HCN4: variants seen among roughly 807,000 people sequenced by gnomAD.
HCN4 encodes the protein potassium/sodium hyperpolarization-activated cyclic nucleotide-gated channel 4.
A neutral mutation model predicts 76.9 loss-of-function variants in HCN4; 29 were observed. The observed-to-expected ratio is 0.38, with a 90% confidence interval of 0.28 to 0.51. The LOEUF (loss-of-function observed/expected upper bound fraction) is 0.51, where lower values mean the gene tolerates loss of function less well. Among genes scored for constraint, HCN4 ranks in the 20% least tolerant of loss-of-function variants. The pLI is 0.90. For missense variants in HCN4, 1,416 were observed against 1,715.2 expected (o/e 0.83, Z 3.08); for synonymous variants, 772 against 762.5 (o/e 1.01, Z -0.21).
intron 6 of HCN4, 53 bp downstream of exon 6, chr15:73,324,902 A>G (rs1413763389): frequency 9.3e-6 from 15 of 1,610,002 alleles, no homozygotes; most frequent in Admixed American, 5.0e-5. Flanking sequence ...TATCTCCCCA[A>G]ACCAGCCCCT....
chr15:73,337,535 G>A (rs1286712566), intron 2 of HCN4, among the ~76,000 whole-genome samples: 2 of 152,216 alleles, frequency 1.3e-5, no homozygotes, highest in Admixed American at 6.5e-5. Flanking sequence ...ATGTTTTCCT[G>A]CAATGACCTC....
In HCN4 at chr15:73,343,550, G is replaced by A; in HGVS notation, c.1044C>T (p.Ser348=). The A allele has an allele frequency of 6.2e-7, 1 of 1,614,202 alleles. No individual in the cohort carries two copies. The highest frequency in any genetic ancestry group is 8.5e-7 in the Non-Finnish European group (1 of 1,180,042). Residue 348 remains serine, a synonymous_variant, in exon 2 of 8, where the codon TCC becomes TCT. Transcript: ENST00000261917. This position sits in a 1 kb window ranked among gnomAD's most constrained non-coding sequence, Gnocchi z 5.7. ...GGAAGATGTAGTCCACGGGGATGGA[G>A]GAAATGAAATCTACCATGAACCAGC... ...LKSWFMVDFI[S]SIPVDYIFLI...
chr15:73,351,221 C>T (rs965817469), intron 1 of HCN4, among the ~76,000 whole-genome samples: 4 of 152,242 alleles, frequency 2.6e-5, no homozygotes, highest in African/African-American at 4.8e-5. Context: ...TCCTTTCCCT[C>T]GGCATGACCT....
At position 73,329,546 on chromosome 15, in the gene HCN4, G is replaced by A. The variant is rs748346294; in HGVS notation, c.1590+27C>T. On this transcript the variant is annotated intron_variant, in intron 4 of 7. Coordinates refer to ENST00000261917, the MANE Select transcript of HCN4 (RefSeq NM_005477.3). Reference sequence around the variant, plus strand: ...GTGCTCCCTCTTGGGAGGGACCAATGTGCGGGTGCTCCCTGGGTAGACCTA... The same window carrying A: ...GTGCTCCCTCTTGGGAGGGACCAATATGCGGGTGCTCCCTGGGTAGACCTA... 4 of 1,607,822 alleles carry A rather than the reference G, an allele frequency of 2.5e-6. No individual in the cohort carries two copies. The African/African-American group carries it at 4.0e-5, about 16-fold the overall frequency.
rs1404251013 is a variant in HCN4 at position 73,323,623 on chromosome 15, T to C, written c.2470A>G (p.Arg824Gly). ...AGGGACTGCAGCCGTTTCAGGTGCC[T>C]TGGCGTCTGCCCGGCACCGAGGTTG... Reference protein sequence around the residue: ...LGNLGAGQTPRHLKRLQSLIP... With the variant: ...LGNLGAGQTPGHLKRLQSLIP... The change falls in exon 8 of 8, where the codon AGG becomes GGG. Residue 824 changes from arginine to glycine, a missense_variant. By Grantham distance (125) the Arg-to-Gly change is moderately radical. Transcript: ENST00000261917. The C allele has an allele frequency of 2.5e-6, 4 of 1,600,154 alleles. No homozygotes were observed. The highest frequency in any genetic ancestry group is 3.4e-6 in the Non-Finnish European group (4 of 1,177,268).
intron 1 of HCN4, among the ~76,000 whole-genome samples, chr15:73,346,236 G>C (rs1468545282): frequency 6.6e-6 from 1 of 152,052 alleles, no homozygotes. Flanking sequence ...CTGAAGTCAG[G>C]GTTCGATTCC....
chr15:73,362,361 C>T (rs1233067355), intron 1 of HCN4, among the ~76,000 whole-genome samples: 1 of 152,222 alleles, frequency 6.6e-6, no homozygotes, highest in Non-Finnish European at 1.5e-5. Flanking sequence ...AGCGCATGAA[C>T]AGTAACCTCA....
intron 2 of HCN4, chr15:73,342,456 G>C (rs2043010675): frequency 6.6e-6 from 1 of 152,300 alleles, no homozygotes; most frequent in Non-Finnish European, 1.5e-5. Context: ...TTGGCTGTGA[G>C]TGCTGAGGGC....
chr15:73,324,054 C>G lies in HCN4; in HGVS notation c.2143+35G>C, dbSNP rs771108282. 5 of 1,609,028 alleles carry G rather than the reference C, an allele frequency of 3.1e-6. No homozygotes were observed. The African/African-American group carries it at 6.7e-5, about 22-fold the overall frequency. On this transcript the variant is annotated intron_variant, in intron 7 of 7. Coordinates refer to ENST00000261917, the MANE Select transcript of HCN4 (RefSeq NM_005477.3). ...AGCCCTGCCCTCCTCCCCCAACACC[C>G]CCCACCTGCCCCGCCTGTGGCCCCT...
chr15:73,366,818 G>A (rs1424604442), intron 1 of HCN4, among the ~76,000 whole-genome samples: 1 of 152,204 alleles, frequency 6.6e-6, no homozygotes, highest in Non-Finnish European at 1.5e-5. Context: ...CAGAACACCA[G>A]GCATCTTCAC....
chr15:73,351,491 G>C (rs889002059), intron 1 of HCN4, among the ~76,000 whole-genome samples: 7 of 152,086 alleles, frequency 4.6e-5, no homozygotes, highest in Non-Finnish European at 1.0e-4. Context: ...GTACCACCAG[G>C]CATCCAAAAG....
rs191089642 is a variant in HCN4 at position 73,349,848 on chromosome 15, C to T, written c.786-6040G>A. Among the ~76,000 whole-genome samples the T allele has an allele frequency of 3.3e-5, 5 of 152,318 alleles. No individual in the cohort carries two copies. In the East Asian group the frequency reaches 9.6e-4, roughly 29 times the overall value. On this transcript the variant is annotated intron_variant, in intron 1 of 7. Coordinates refer to ENST00000261917, the MANE Select transcript of HCN4 (RefSeq NM_005477.3). ...ATCCTTCCAGCACCCATCTGCCATC[C>T]TCAAGGACTTTGGCAATGCTGGCAC...
At chr15:73,330,218 G>A (rs529472783) in intron 3 of HCN4, among the ~76,000 whole-genome samples, 1 of 152,248 alleles carries the variant, frequency 6.6e-6, no homozygotes, top group Non-Finnish European at 1.5e-5. Flanking sequence ...AACCAGATAT[G>A]CTTCCCTTGG....
At chr15:73,324,333 T>G (rs1441636809) in intron 6 of HCN4, 80 bp from the exon 7 acceptor site, 5 of 1,496,720 alleles carry the variant, frequency 3.3e-6, no homozygotes, top group Non-Finnish European at 3.6e-6. Context: ...ACCTTGGCCC[T>G]GACTGCCTGG....
chr15:73,354,036 CA>C (rs1427814935), intron 1 of HCN4, among the ~76,000 whole-genome samples: 1 of 152,210 alleles, frequency 6.6e-6, no homozygotes, highest in African/African-American at 2.4e-5. Context: ...ACAGGGCTCC[CA>C]GGTAAGCTGC....
rs1393815632 is a variant in HCN4 at position 73,322,587 on chromosome 15, C to A, written c.3506G>T (p.Gly1169Val). ...GSLPPPLSLF[G>V]ARATSSGGPP... is the part of the protein sequence containing the mutation. ...CCCCCCAGAAGAGGTGGCTCTTGCC[C>A]CAAACAAAGACAGAGGGGGTGGCAA... Residue 1169 changes from glycine (G) to valine (V), a missense_variant, in exon 8 of 8, where the codon GGG (glycine) becomes GTG (valine). Gly to Val is a moderately radical substitution (Grantham distance 109). Around this residue, in one of 6 missense-constraint regions of HCN4, gnomAD observed 633 missense variants for 579.8 expected, o/e 1.09. Transcript: ENST00000261917. 35 of 1,610,614 alleles carry A rather than the reference C, an allele frequency of 2.2e-5. No individual in the cohort carries two copies. The highest frequency in any genetic ancestry group is 2.9e-5 in the Non-Finnish European group (34 of 1,178,800).
In HCN4 at chr15:73,323,686, C is replaced by T. The variant is rs751734654; in HGVS notation, c.2407G>A (p.Ala803Thr). The T allele has an allele frequency of 7.5e-6, 12 of 1,592,698 alleles. No homozygotes were observed. Among genetic ancestry groups the T allele is most frequent in the Non-Finnish European group, 1.0e-5 (12 of 1,170,174 alleles). The stretch of plus-strand genomic sequence containing the variant: ...CCTGGGGGAGGGCGGAAGATGGCAG[C>T]AGGCAGGCGAGGGTGGTGGGTGAGG... ...IALTHHPRLP[A>T]AIFRPPPGSG... Residue 803 changes from alanine (A) to threonine (T), a missense_variant, in exon 8 of 8, where the codon GCT becomes ACT. Transcript: ENST00000261917.
intron 1 of HCN4, among the ~76,000 whole-genome samples, chr15:73,350,530 A>G (rs1301503622): frequency 6.6e-6 from 1 of 151,986 alleles, no homozygotes; most frequent in African/African-American, 2.4e-5. Context: ...TTTCAAATTA[A>G]TTCCTCTCTC....
intron 1 of HCN4, among the ~76,000 whole-genome samples, chr15:73,354,049 C>T (rs1032404695): frequency 6.6e-5 from 10 of 152,196 alleles, no homozygotes; most frequent in Non-Finnish European, 1.3e-4. Context: ...GTAAGCTGCT[C>T]CCTTGCCTGC....
Sources: gnomAD v4.1 joint callset for allele counts (sites outside exome capture counted in the v4.1 genomes callset) on GRCh38, gnomAD v4.1.1 for gene constraint, gnomAD v4.1.1 regional missense constraint, Gnocchi (gnomAD v3.1) non-coding constraint, MANE v1.5 for transcripts, NCBI Gene and HGNC (gene_info 2026-07-23, HGNC 2026-07-21) for gene names.